TRPM2: variants seen among roughly 807,000 people sequenced by gnomAD.
The protein encoded by TRPM2 is estrogen-responsive element-associated gene 1 protein.
Under a neutral mutation model 174.0 loss-of-function variants are expected in TRPM2, and 161 were observed. The ratio of observed to expected loss-of-function variants is 0.93; its 90% CI spans 0.81 to 1.05. The LOEUF (loss-of-function observed/expected upper bound fraction) is 1.05, where lower values mean the gene tolerates loss of function less well. Among genes scored for constraint, TRPM2 ranks in the 50% least tolerant of loss-of-function variants. The pLI, the probability that TRPM2 is intolerant of heterozygous loss-of-function variation, is 0.00. For missense variants in TRPM2, 2,057 were observed against 2,038.0 expected (o/e 1.01, Z -0.18); for synonymous variants, 954 against 861.3 (o/e 1.11, Z -1.88).
At chr21:44,395,314 A>T in intron 11 of TRPM2, 100 bp from the exon 12 acceptor site, 1 of 1,417,982 alleles carries the variant, frequency 7.1e-7, no homozygotes, top group Non-Finnish European at 9.4e-7. Flanking sequence ...GATCCTGAGA[A>T]GGTCGGGGCT....
At position 44,353,820 on chromosome 21, in the gene TRPM2, C is replaced by G. The variant is rs776939181; in HGVS notation, c.120C>G (p.Leu40=). ...ATCTCCGGCGCAGCAACAGCAGCCTCTTCAAGAGCTGGAGGCTACAGTGCC... is the reference window on the plus strand; with the variant it reads ...ATCTCCGGCGCAGCAACAGCAGCCTGTTCAAGAGCTGGAGGCTACAGTGCC... ...VSNLRRSNSS[L]FKSWRLQCPF... Residue 40 remains leucine (L), a synonymous_variant, in exon 1 of 32, where the codon CTC becomes CTG. Coordinates refer to ENST00000397928, the MANE Select transcript of TRPM2 (RefSeq NM_003307.4). 2 of 1,601,018 alleles carry G rather than the reference C, an allele frequency of 1.2e-6. No individual in the cohort carries two copies.
chr21:44,409,818 C>T (rs2050035170), intron 19 of TRPM2, among the ~76,000 whole-genome samples: 1 of 148,764 alleles, frequency 6.7e-6, no homozygotes, highest in African/African-American at 2.5e-5. Context: ...GTTTTGACCG[C>T]ACTGTCTTGG....
At chr21:44,363,484 T>C (rs1336591745) in intron 2 of TRPM2, among the ~76,000 whole-genome samples, 7 of 146,304 alleles carry the variant, frequency 4.8e-5, no homozygotes. Context: ...TTGAGTTTTT[T>C]ATTTCAGTTA....
Position 44,439,007 on chromosome 21 carries a change from G to A in TRPM2, c.4168-60G>A, listed in dbSNP as rs1341705014. 1.4e-5 allele frequency: 21 copies of A among 1,455,606 alleles called. No individual in the cohort carries two copies. The Admixed American group carries it at 3.6e-4, about 25-fold the overall frequency. The allele number at this position is 1,455,606 out of a possible 1,614,324, so 90.2% of individuals were successfully genotyped here. A position where few individuals can be genotyped will look rare whatever the true frequency, so the allele number is the denominator to read the frequency against. On this transcript the variant is annotated intron_variant, in intron 29 of 31. Coordinates refer to ENST00000397928, the MANE Select transcript of TRPM2 (RefSeq NM_003307.4). This position sits in a 1 kb window ranked among gnomAD's most constrained non-coding sequence, Gnocchi z 5.1. ...GGAGGCCAGTGGAGACGGGTGCCAG[G>A]GCAGCCTGAGGTCCCGCTTCGGTGC...
At chr21:44,370,345 C>G (rs1305437770) in intron 5 of TRPM2, among the ~76,000 whole-genome samples, 1 of 152,268 alleles carries the variant, frequency 6.6e-6, no homozygotes, top group Non-Finnish European at 1.5e-5. Flanking sequence ...GCACCCACCC[C>G]CAGCTTCTCC....
intron 20 of TRPM2, 79 bp from the exon 21 acceptor site, chr21:44,417,847 AG>A: frequency 6.8e-7 from 1 of 1,465,752 alleles, no homozygotes. Context: ...GTGGCATCAC[AG>A]TGGGCACGCA....
intron 2 of TRPM2, among the ~76,000 whole-genome samples, chr21:44,362,525 A>G (rs2048245643): frequency 1.3e-5 from 2 of 151,902 alleles, no homozygotes; most frequent in Non-Finnish European, 2.9e-5. Flanking sequence ...GAAAAAAAAA[A>G]AAGAAAGAAA....
At chr21:44,437,023 G>A (rs977836337) in intron 28 of TRPM2, 39 bp from the exon 29 acceptor site, 104 of 1,537,398 alleles carry the variant, frequency 6.8e-5, no homozygotes, top group African/African-American at 1.2e-4. Context: ...GGTGGAGGCC[G>A]CAGCGGGTCC....
In TRPM2 at chr21:44,391,703, A is replaced by C; in HGVS notation, c.1794+78A>C. The C allele has an allele frequency of 7.7e-7, 1 of 1,305,014 alleles. No individual in the cohort carries two copies. Among genetic ancestry groups the C allele is most frequent in the Non-Finnish European group, 1.0e-6 (1 of 974,492 alleles). 80.8% of individuals were successfully genotyped at this position (1,305,014 alleles called of 1,614,324 possible). A position where few individuals can be genotyped will look rare whatever the true frequency, so the allele number is the denominator to read the frequency against. On this transcript the variant is annotated intron_variant, in intron 11 of 31. Transcript: ENST00000397928. The surrounding 1 kb of genome is among the most constrained non-coding windows in gnomAD (Gnocchi z 5.0). ...ATGTTCTTAGAGCTCTCTGTTTTTA[A>C]AATTAGCTTTTATTTTTATTAGAAA...
chr21:44,372,408 T>G (rs565010701), intron 5 of TRPM2, among the ~76,000 whole-genome samples: 3 of 152,074 alleles, frequency 2.0e-5, no homozygotes, highest in African/African-American at 7.2e-5. Context: ...GGCAGGAGAA[T>G]CGCTTGAACC....
chr21:44,422,556 T>G, intron 22 of TRPM2: 1 of 1,198,212 alleles, frequency 8.3e-7, no homozygotes, highest in Non-Finnish European at 1.1e-6. Context: ...AGAAAGTTTC[T>G]GTGTTACTAA....
chr21:44,413,023 T>C (rs550537065), intron 19 of TRPM2, among the ~76,000 whole-genome samples: 2 of 152,216 alleles, frequency 1.3e-5, no homozygotes, highest in East Asian at 3.9e-4. Flanking sequence ...GTTAACAACT[T>C]ACTATGTTTC....
At chr21:44,365,596 G>A (rs2048335941) in intron 3 of TRPM2, among the ~76,000 whole-genome samples, 1 of 152,178 alleles carries the variant, frequency 6.6e-6, no homozygotes, top group African/African-American at 2.4e-5. Flanking sequence ...TTTGTCTGAT[G>A]CCACCGTGGC....
At position 44,438,616 on chromosome 21, in the gene TRPM2, G is replaced by A. The variant is rs576191518; in HGVS notation, c.4168-451G>A. 1.6e-4 allele frequency among the ~76,000 whole-genome samples: 24 copies of A among 152,278 alleles called. No homozygotes were observed. The highest frequency in any genetic ancestry group is 3.9e-4 in the East Asian group (2 of 5,176). On this transcript the variant is annotated intron_variant, in intron 29 of 31. Coordinates refer to ENST00000397928, the MANE Select transcript of TRPM2 (RefSeq NM_003307.4). The surrounding 1 kb of genome is among the most constrained non-coding windows in gnomAD (Gnocchi z 5.9). ...CCTGAGTCAGGTGGCGCTCGGGAGCGTCTGGGAGCCCAGCCAGCCGCAGCA... is the reference window on the plus strand; with the variant it reads ...CCTGAGTCAGGTGGCGCTCGGGAGCATCTGGGAGCCCAGCCAGCCGCAGCA...
intron 8 of TRPM2, 82 bp from the exon 9 acceptor site, chr21:44,382,636 C>A: frequency 7.3e-7 from 1 of 1,371,706 alleles, no homozygotes; most frequent in Non-Finnish European, 1.0e-6. Context: ...TGGCTGTGTC[C>A]GGGGCCTCAA....
Position 44,376,100 on chromosome 21 carries a change from G to A in TRPM2, c.952+87G>A, listed in dbSNP as rs567330765. On this transcript the variant is annotated intron_variant, in intron 6 of 31. Coordinates refer to ENST00000397928, the MANE Select transcript of TRPM2 (RefSeq NM_003307.4). The surrounding 1 kb of genome is among the most constrained non-coding windows in gnomAD (Gnocchi z 4.2). ...AGGTACAGCTGGTCACGACCAGGACGTTCAACAGGCCTGGCGTTTGGCAGA... is the reference window on the plus strand; with the variant it reads ...AGGTACAGCTGGTCACGACCAGGACATTCAACAGGCCTGGCGTTTGGCAGA... The A allele has an allele frequency of 1.6e-4, 240 of 1,479,670 alleles. No individual in the cohort carries two copies. The African/African-American group carries it at 2.3e-3, about 14-fold the overall frequency. 91.7% of individuals were successfully genotyped at this position (1,479,670 alleles called of 1,614,324 possible).
chr21:44,408,415 G>A (rs907181458), intron 19 of TRPM2, among the ~76,000 whole-genome samples: 9 of 151,760 alleles, frequency 5.9e-5, no homozygotes, highest in Non-Finnish European at 1.0e-4. Context: ...CCAAAGAACC[G>A]GCCGCATTCC....
At chr21:44,393,083 T>C (rs2049234752) in intron 11 of TRPM2, among the ~76,000 whole-genome samples, 1 of 152,100 alleles carries the variant, frequency 6.6e-6, no homozygotes, top group African/African-American at 2.4e-5. Context: ...ATAGGAACCC[T>C]GCCCTAGTCT....
chr21:44,385,256 A>G (rs980842473), intron 9 of TRPM2, among the ~76,000 whole-genome samples: 2 of 152,228 alleles, frequency 1.3e-5, no homozygotes, highest in African/African-American at 4.8e-5. Flanking sequence ...TAGGAATAAA[A>G]GGAAACTACC....
Sources: allele counts gnomAD v4.1 joint callset (sites outside exome capture counted in the v4.1 genomes callset), GRCh38; gene constraint gnomAD v4.1.1; non-coding constraint Gnocchi (gnomAD v3.1); transcripts MANE v1.5; gene names NCBI Gene and HGNC (gene_info 2026-07-23, HGNC 2026-07-21).